Variants in THRB observed in about 807,000 individuals in gnomAD.
THRB encodes the protein nuclear receptor subfamily 1 group A member 2.
THRB carries 12 observed loss-of-function variants against 47.8 expected under a neutral mutation model. That is an observed-to-expected ratio of 0.25 (90% CI 0.16 to 0.41). The LOEUF (loss-of-function observed/expected upper bound fraction) is 0.41, where lower values mean the gene tolerates loss of function less well. Ranked by LOEUF, THRB falls within the 10% of genes least tolerant of loss-of-function variation. THRB has a pLI of 1.00. For synonymous variants in THRB, 218 were observed against 212.2 expected (o/e 1.03, Z -0.24); for missense variants, 348 against 589.2 (o/e 0.59, Z 4.24).
intron 3 of THRB, among the ~76,000 whole-genome samples, chr3:24,291,889 T>C (rs906508768): frequency 1.3e-5 from 2 of 152,170 alleles, no homozygotes; most frequent in African/African-American, 4.8e-5. Flanking sequence ...CCTGCAGACA[T>C]AGTCATTTAT....
chr3:24,357,368 A>AC (rs1432522545), intron 1 of THRB, among the ~76,000 whole-genome samples: 71 of 145,646 alleles, frequency 4.9e-4, no homozygotes, highest in Non-Finnish European at 8.4e-4. Context: ...AAAAAAAAAA[A>AC]AAAAAACAAA....
intron 1 of THRB, among the ~76,000 whole-genome samples, chr3:24,436,184 G>A (rs538756358): frequency 2.6e-5 from 4 of 151,742 alleles, no homozygotes; most frequent in Admixed American, 1.3e-4. Context: ...TCATGGTAGG[G>A]AATACCTAAG....
intron 5 of THRB, among the ~76,000 whole-genome samples, chr3:24,173,464 A>AGT (rs560820323): frequency 3.8e-4 from 58 of 152,350 alleles, no homozygotes; most frequent in African/African-American, 1.3e-3. Flanking sequence ...ATGCACTACC[A>AGT]GTACCATAAT....
chr3:24,315,313 T>C (rs1173354962), intron 2 of THRB, among the ~76,000 whole-genome samples: 1 of 152,252 alleles, frequency 6.6e-6, no homozygotes, highest in Non-Finnish European at 1.5e-5. Flanking sequence ...CATGAGCTTC[T>C]CATTCTCTAC....
chr3:24,268,436 G>C (rs1456110448), intron 3 of THRB, among the ~76,000 whole-genome samples: 1 of 152,118 alleles, frequency 6.6e-6, no homozygotes, highest in Non-Finnish European at 1.5e-5. Flanking sequence ...GTTTCAAGTT[G>C]AAACAGTAGA....
rs927675653 is a variant in THRB, at chr3:24,119,134, A to G, written c.*3750T>C. 6.6e-6 allele frequency: 1 copy of G among 152,440 alleles called. No homozygotes were observed. The highest frequency in any genetic ancestry group is 1.5e-5 in the Non-Finnish European group (1 of 67,990). 9.4% of individuals were successfully genotyped at this position (152,440 alleles called of 1,614,324 possible). On this transcript the variant is annotated 3_prime_UTR_variant, in exon 11 of 11. Transcript: ENST00000646209. ...CAGTACAATAAAATTTCTTCTCTATAAAATTTAAATATGGATTATAGTCTA... is the reference window on the plus strand; with the variant it reads ...CAGTACAATAAAATTTCTTCTCTATGAAATTTAAATATGGATTATAGTCTA...
chr3:24,284,361 G>C (rs2054998672), intron 3 of THRB, among the ~76,000 whole-genome samples: 2 of 150,836 alleles, frequency 1.3e-5, no homozygotes, highest in South Asian at 4.2e-4. Context: ...ATGGTGCTGG[G>C]AAAACTGGCT....
At chr3:24,457,447 A>T in intron 1 of THRB, among the ~76,000 whole-genome samples, 1 of 152,154 alleles carries the variant, frequency 6.6e-6, no homozygotes, top group East Asian at 1.9e-4. Flanking sequence ...TTCTAGTCTG[A>T]CTCTGACCTC....
intron 8 of THRB, among the ~76,000 whole-genome samples, chr3:24,136,643 A>T (rs953036886): frequency 6.6e-6 from 1 of 152,252 alleles, no homozygotes; most frequent in African/African-American, 2.4e-5. Flanking sequence ...ATATGTATTT[A>T]TGTGCCCAAG....
At chr3:24,348,182 T>C (rs1018595223) in intron 1 of THRB, among the ~76,000 whole-genome samples, 2 of 152,136 alleles carry the variant, frequency 1.3e-5, no homozygotes, top group Admixed American at 6.6e-5. Context: ...GGTTTAATAT[T>C]AGCTATCAAT....
chr3:24,452,525 T>C (rs1287623041), intron 1 of THRB, among the ~76,000 whole-genome samples: 1 of 152,098 alleles, frequency 6.6e-6, no homozygotes, highest in African/African-American at 2.4e-5. Context: ...AGATGTACAT[T>C]CCTTTGGTCC....
chr3:24,444,325 A>G (rs2071851497), intron 1 of THRB, among the ~76,000 whole-genome samples: 2 of 152,216 alleles, frequency 1.3e-5, no homozygotes, highest in African/African-American at 4.8e-5. Context: ...AACAAACAGA[A>G]TCAAAAGACA....
At chr3:24,454,382 T>C (rs1336791764) in intron 1 of THRB, among the ~76,000 whole-genome samples, 1 of 152,156 alleles carries the variant, frequency 6.6e-6, no homozygotes, top group Admixed American at 6.5e-5. Context: ...GGAGCAAGTG[T>C]TAATGAGTGT....
intron 4 of THRB, among the ~76,000 whole-genome samples, chr3:24,228,623 AC>A (rs2047924599): frequency 7.0e-6 from 1 of 142,482 alleles, no homozygotes; most frequent in Non-Finnish European, 1.5e-5. Context: ...ACAGAGCAAG[AC>A]CATGTCTCAA....
chr3:24,409,191 G>A (rs1462641475), intron 1 of THRB, among the ~76,000 whole-genome samples: 2 of 151,744 alleles, frequency 1.3e-5, no homozygotes, highest in Non-Finnish European at 2.9e-5. Flanking sequence ...ACCAATCCCT[G>A]ACTACAGATT....
intron 1 of THRB, among the ~76,000 whole-genome samples, chr3:24,368,701 G>C (rs1411980972): frequency 6.6e-6 from 1 of 152,146 alleles, no homozygotes; most frequent in Non-Finnish European, 1.5e-5. Flanking sequence ...ACACACTGCT[G>C]ATGCTTACCT....
At chr3:24,315,100 C>T (rs1206950781) in intron 2 of THRB, among the ~76,000 whole-genome samples, 2 of 152,164 alleles carry the variant, frequency 1.3e-5, no homozygotes, top group East Asian at 3.9e-4. Flanking sequence ...TTTCTGTAAT[C>T]CCACCCTTAG....
intron 1 of THRB, among the ~76,000 whole-genome samples, chr3:24,479,744 G>A (rs1185948749): frequency 2.0e-5 from 3 of 152,164 alleles, no homozygotes; most frequent in African/African-American, 7.2e-5. Flanking sequence ...GGTGGAAGTC[G>A]GGGTTACAGG....
intron 3 of THRB, among the ~76,000 whole-genome samples, chr3:24,273,350 A>G (rs2053553358): frequency 6.6e-6 from 1 of 152,190 alleles, no homozygotes; most frequent in South Asian, 2.1e-4. Context: ...TAGAGCTTAC[A>G]TTCTAACAGG....
Sources: gnomAD v4.1 joint callset for allele counts (sites outside exome capture counted in the v4.1 genomes callset) on GRCh38, gnomAD v4.1.1 for gene constraint, MANE v1.5 for transcripts, NCBI Gene and HGNC (gene_info 2026-07-23, HGNC 2026-07-21) for gene names.